CENPP: variants seen among roughly 807,000 people sequenced by gnomAD.
CENPP encodes the protein centromere protein P.
In CENPP, 24 loss-of-function variants were observed where a neutral mutation model predicts 35.6. That is an observed-to-expected ratio of 0.67 (90% CI 0.49 to 0.95). CENPP has a LOEUF of 0.95. CENPP is among the 40% of genes least tolerant of loss of function. CENPP has a pLI of 0.00. For missense variants in CENPP, 332 were observed against 345.3 expected (o/e 0.96, Z 0.31); for synonymous variants, 120 against 125.5 (o/e 0.96, Z 0.29).
At chr9:92,546,683 G>A (rs762413139) in intron 5 of CENPP, among the ~76,000 whole-genome samples, 3 of 152,132 alleles carry the variant, frequency 2.0e-5, no homozygotes, top group Admixed American at 6.6e-5. Flanking sequence ...GTGAGGGTCC[G>A]CGGCTTCATT....
At chr9:92,523,851 G>C (rs1378902476) in intron 5 of CENPP, among the ~76,000 whole-genome samples, 1 of 152,196 alleles carries the variant, frequency 6.6e-6, no homozygotes, top group Non-Finnish European at 1.5e-5. Context: ...ACATAACGGC[G>C]ATAAGAAGGC....
At chr9:92,486,043 A>T (rs1048868865) in intron 5 of CENPP, among the ~76,000 whole-genome samples, 1 of 152,190 alleles carries the variant, frequency 6.6e-6, no homozygotes, top group Non-Finnish European at 1.5e-5. Flanking sequence ...AAGGCCGTCC[A>T]CCAATCCATT....
intron 5 of CENPP, among the ~76,000 whole-genome samples, chr9:92,556,252 T>G (rs945743848): frequency 2.6e-5 from 4 of 152,054 alleles, no homozygotes; most frequent in Admixed American, 1.3e-4. Flanking sequence ...TCTGAGAGAG[T>G]GTTGGATATA....
chr9:92,603,068 C>A (rs926892805), intron 5 of CENPP, among the ~76,000 whole-genome samples: 1 of 152,170 alleles, frequency 6.6e-6, no homozygotes, highest in African/African-American at 2.4e-5. Flanking sequence ...GGATTACAGG[C>A]ATAAGCCACC....
chr9:92,384,895 C>A (rs1842363278), intron 5 of CENPP: 1 of 152,190 alleles, frequency 6.6e-6, no homozygotes, highest in Admixed American at 6.6e-5. Context: ...TTTTGGCCTG[C>A]TTGAGTTTAA....
At chr9:92,481,336 C>G (rs1845904186) in intron 5 of CENPP, among the ~76,000 whole-genome samples, 1 of 152,080 alleles carries the variant, frequency 6.6e-6, no homozygotes, top group South Asian at 2.1e-4. Context: ...TGGGCTTGTG[C>G]TCGATTTTTC....
At chr9:92,509,534 G>A (rs933545964) in intron 5 of CENPP, among the ~76,000 whole-genome samples, 3 of 152,298 alleles carry the variant, frequency 2.0e-5, no homozygotes, top group Admixed American at 1.3e-4. Context: ...CTGGTTAGTC[G>A]CTACAAAGAA....
At chr9:92,595,042 G>A (rs935659495) in intron 5 of CENPP, among the ~76,000 whole-genome samples, 1 of 151,502 alleles carries the variant, frequency 6.6e-6, no homozygotes, top group Non-Finnish European at 1.5e-5. Flanking sequence ...GATTATAGGC[G>A]CAAGCCACCA....
At chr9:92,336,885 G>A (rs570950811) in intron 2 of CENPP, among the ~76,000 whole-genome samples, 1 of 152,258 alleles carries the variant, frequency 6.6e-6, no homozygotes, top group Admixed American at 6.5e-5. Flanking sequence ...GATGGCAGAG[G>A]TGAACGCATG....
chr9:92,335,047 G>A (rs1306256120), intron 2 of CENPP, among the ~76,000 whole-genome samples: 1 of 150,686 alleles, frequency 6.6e-6, no homozygotes, highest in African/African-American at 2.4e-5. Flanking sequence ...TTAGCAGGGC[G>A]TGGTGGGGCA....
chr9:92,573,910 G>A (rs1378501316), intron 5 of CENPP, among the ~76,000 whole-genome samples: 1 of 152,208 alleles, frequency 6.6e-6, no homozygotes, highest in Non-Finnish European at 1.5e-5. Context: ...GGCGCGGGAT[G>A]TAATCTCCTG....
At chr9:92,544,781 T>C (rs969882621) in intron 5 of CENPP, among the ~76,000 whole-genome samples, 119 of 150,028 alleles carry the variant, frequency 7.9e-4, no homozygotes, top group Non-Finnish European at 1.4e-3. Flanking sequence ...AGTGGCGCGA[T>C]CTCAGCTCAC....
intron 5 of CENPP, among the ~76,000 whole-genome samples, chr9:92,436,683 A>C (rs1361563959): frequency 6.6e-6 from 1 of 152,110 alleles, no homozygotes; most frequent in Non-Finnish European, 1.5e-5. Context: ...TCAAAAATCA[A>C]TTGTCTGCAC....
chr9:92,604,857 G>A (rs566487286), intron 5 of CENPP, among the ~76,000 whole-genome samples: 3 of 152,200 alleles, frequency 2.0e-5, no homozygotes, highest in South Asian at 2.1e-4. Context: ...GCCTACCAAG[G>A]TGCTGGGATT....
chr9:92,521,868 T>C (rs1467508320), intron 5 of CENPP, among the ~76,000 whole-genome samples: 1 of 152,202 alleles, frequency 6.6e-6, no homozygotes, highest in Non-Finnish European at 1.5e-5. Flanking sequence ...TCTATTGTTA[T>C]AAATGGAAAG....
chr9:92,585,020 A>G (rs1314061928), intron 5 of CENPP, among the ~76,000 whole-genome samples: 4 of 152,250 alleles, frequency 2.6e-5, no homozygotes, highest in African/African-American at 9.6e-5. Context: ...ATATACACCT[A>G]ACTGTAACCA....
intron 5 of CENPP, among the ~76,000 whole-genome samples, chr9:92,527,595 C>T (rs1471926137): frequency 1.3e-5 from 2 of 152,156 alleles, no homozygotes; most frequent in Non-Finnish European, 2.9e-5. Flanking sequence ...CAACCTAAGA[C>T]AAGCTGTGGG....
intron 5 of CENPP, chr9:92,417,468 A>T (rs903563537): frequency 1.2e-6 from 2 of 1,613,874 alleles, no homozygotes; most frequent in African/African-American, 2.7e-5. Context: ...TCTTGGTCAT[A>T]GTCTTCATCC....
intron 5 of CENPP, among the ~76,000 whole-genome samples, chr9:92,459,224 G>A (rs1304248432): frequency 2.0e-5 from 3 of 152,300 alleles, no homozygotes; most frequent in Admixed American, 2.0e-4. Context: ...CACTGAAAGC[G>A]AAAATACCAG....
Sources: allele counts gnomAD v4.1 joint callset (sites outside exome capture counted in the v4.1 genomes callset), GRCh38; gene constraint gnomAD v4.1.1; transcripts MANE v1.5; gene names NCBI Gene and HGNC (gene_info 2026-07-23, HGNC 2026-07-21).